The following DLC1 variants were observed in gnomAD, a reference collection of about 807,000 sequenced individuals.
DLC1 encodes DLC1 Rho GTPase activating protein.
DLC1 carries 54 observed loss-of-function variants against 140.3 expected under a neutral mutation model. The observed-to-expected ratio is 0.38, with a 90% confidence interval of 0.31 to 0.48. The LOEUF (loss-of-function observed/expected upper bound fraction) is 0.48. Ranked by LOEUF, DLC1 falls within the 20% of genes least tolerant of loss-of-function variation. The pLI, the probability that DLC1 is intolerant of heterozygous loss-of-function variation, is 0.96. For synonymous variants in DLC1, 986 were observed against 728.1 expected (o/e 1.35, Z -5.70); for missense variants, 2,536 against 1,907.0 (o/e 1.33, Z -6.14).
chr8:13,278,362 C>G (rs1019691639), intron 5 of DLC1, among the ~76,000 whole-genome samples: 1 of 152,202 alleles, frequency 6.6e-6, no homozygotes, highest in African/African-American at 2.4e-5. Context: ...CGTGTTGAAT[C>G]ATGTCATCTG....
At chr8:13,111,237 G>A (rs935195401) in intron 6 of DLC1, among the ~76,000 whole-genome samples, 5 of 152,174 alleles carry the variant, frequency 3.3e-5, no homozygotes, top group Admixed American at 6.5e-5. Flanking sequence ...GAAAGGTCAC[G>A]GAAAGAAAAC....
chr8:13,374,038 A>G (rs1835849306), intron 4 of DLC1, among the ~76,000 whole-genome samples: 2 of 152,222 alleles, frequency 1.3e-5, no homozygotes, highest in African/African-American at 4.8e-5. Context: ...TGAATGAAGG[A>G]CAAATTATAG....
At chr8:13,345,457 A>T (rs1045539437) in intron 4 of DLC1, among the ~76,000 whole-genome samples, 1 of 149,566 alleles carries the variant, frequency 6.7e-6, no homozygotes, top group African/African-American at 2.5e-5. Flanking sequence ...GAGCCAGTTC[A>T]TTTGGGGCTG....
chr8:13,518,293 G>A (rs567100194), upstream of DLC1, among the ~76,000 whole-genome samples: 2 of 152,176 alleles, frequency 1.3e-5, no homozygotes, highest in Non-Finnish European at 2.9e-5. Flanking sequence ...ATTTTTAGTA[G>A]AGACAGGGTT....
rs569340231 is a variant in DLC1, at chr8:13,359,500, A to G, written c.1314+34053T>C. On this transcript the variant is annotated intron_variant, in intron 4 of 17. Coordinates refer to ENST00000276297, the MANE Select transcript of DLC1 (RefSeq NM_182643.3). ...CTTGAGGTTAGTGGGAATCTTGACT[A>G]TTGGAAGAGGTGGGGTTTACTTTAA... is the stretch of plus-strand genomic sequence containing the variant. Among the ~76,000 whole-genome samples the G allele has an allele frequency of 7.2e-5, 11 of 152,254 alleles. No homozygotes were observed. In the East Asian group the frequency reaches 2.1e-3, roughly 29 times the overall value.
intron 16 of DLC1, among the ~76,000 whole-genome samples, chr8:13,088,130 C>T (rs572784040): frequency 1.8e-4 from 27 of 152,300 alleles, no homozygotes; most frequent in Non-Finnish European, 2.6e-4. Context: ...GCCCAGGCTG[C>T]GGTACAGTGG....
At chr8:13,325,905 A>G (rs1300281070) in intron 4 of DLC1, among the ~76,000 whole-genome samples, 1 of 152,242 alleles carries the variant, frequency 6.6e-6, no homozygotes, top group Admixed American at 6.5e-5. Context: ...TTTTCTATAC[A>G]TGATGTTGGT....
At chr8:13,174,716 GT>G (rs1428268343) in intron 5 of DLC1, among the ~76,000 whole-genome samples, 1 of 152,038 alleles carries the variant, frequency 6.6e-6, no homozygotes, top group Non-Finnish European at 1.5e-5. Flanking sequence ...GGGGTTGTAT[GT>G]TTTTTGCTTG....
At chr8:13,496,285 CATA>C (rs1271117153) in intron 2 of DLC1, among the ~76,000 whole-genome samples, 2 of 152,106 alleles carry the variant, frequency 1.3e-5, no homozygotes, top group African/African-American at 2.4e-5. Context: ...AAAGCAGAAT[CATA>C]ATAATAATGC....
chr8:13,328,921 A>G (rs759673564), intron 4 of DLC1, among the ~76,000 whole-genome samples: 2 of 152,228 alleles, frequency 1.3e-5, no homozygotes, highest in Non-Finnish European at 2.9e-5. Context: ...TCATCCTGCA[A>G]TGTGGAAGTC....
chr8:13,098,015 C>G (rs996880472), intron 10 of DLC1, among the ~76,000 whole-genome samples: 14 of 129,434 alleles, frequency 1.1e-4, no homozygotes, highest in African/African-American at 3.6e-4. Context: ...GAAACCCCAT[C>G]TCTTCAAAAA....
chr8:13,099,833 G>A lies in DLC1; in HGVS notation c.2504C>T (p.Ser835Phe). ...GAAGCTTCCCGTCCTCCAGTTCACA[G>A]AGCCGTTATTCCCCGAGGGGGAGAA... Reference protein sequence around the residue: ...GSFSPSGNNGSVNWRTGSFHG... With the variant: ...GSFSPSGNNGFVNWRTGSFHG... The change falls in exon 9 of 18, where the codon TCT (serine) becomes TTT (phenylalanine). Residue 835 changes from serine to phenylalanine, a missense_variant. Transcript: ENST00000276297. The A allele has an allele frequency of 6.2e-7, 1 of 1,614,208 alleles. No homozygotes were observed. The highest frequency in any genetic ancestry group is 8.5e-7 in the Non-Finnish European group (1 of 1,180,056).
chr8:13,296,900 C>T (rs1444848014), intron 5 of DLC1, among the ~76,000 whole-genome samples: 1 of 151,812 alleles, frequency 6.6e-6, no homozygotes, highest in Non-Finnish European at 1.5e-5. Flanking sequence ...GAGAAATTGT[C>T]ATCTACGTGT....
chr8:13,124,394 T>C (rs1263719691), intron 5 of DLC1, among the ~76,000 whole-genome samples: 1 of 152,110 alleles, frequency 6.6e-6, no homozygotes, highest in Non-Finnish European at 1.5e-5. Context: ...AGCAGAAGTG[T>C]TGGGAGGAAT....
intron 2 of DLC1, among the ~76,000 whole-genome samples, chr8:13,491,896 A>G (rs1201300581): frequency 6.6e-6 from 1 of 152,190 alleles, no homozygotes; most frequent in Non-Finnish European, 1.5e-5. Flanking sequence ...GAAGACATGC[A>G]TTCGTTCTAG....
At chr8:13,468,808 CTGCTTT>C (rs1381860608) in intron 2 of DLC1, among the ~76,000 whole-genome samples, 3 of 83,960 alleles carry the variant, frequency 3.6e-5, no homozygotes, top group Non-Finnish European at 7.3e-5. Context: ...AATTTTATGT[CTGCTTT>C]TTTTTTTTTT....
intron 3 of DLC1, among the ~76,000 whole-genome samples, chr8:13,394,965 C>T (rs547784342): frequency 3.9e-5 from 6 of 151,958 alleles, no homozygotes; most frequent in Non-Finnish European, 8.8e-5. Flanking sequence ...AACATATTCT[C>T]TATTTTCCAA....
intron 4 of DLC1, among the ~76,000 whole-genome samples, chr8:13,359,087 C>T (rs1292956790): frequency 2.0e-5 from 3 of 152,066 alleles, no homozygotes; most frequent in African/African-American, 7.2e-5. Flanking sequence ...TACAGGTGCC[C>T]GCCACCACGC....
chr8:13,351,117 T>A (rs183040541), intron 4 of DLC1, among the ~76,000 whole-genome samples: 13 of 152,314 alleles, frequency 8.5e-5, no homozygotes, highest in African/African-American at 2.6e-4. Flanking sequence ...TAAATTGGCT[T>A]CAAAATTCTT....
Sources: allele counts gnomAD v4.1 joint callset (sites outside exome capture counted in the v4.1 genomes callset), GRCh38; gene constraint gnomAD v4.1.1; transcripts MANE v1.5; gene names NCBI Gene and HGNC (gene_info 2026-07-23, HGNC 2026-07-21).